The following GFM1 variants were observed in gnomAD, a reference collection of about 807,000 sequenced individuals.
GFM1 encodes elongation factor G, mitochondrial.
A neutral mutation model predicts 96.2 loss-of-function variants in GFM1; 62 were observed. The observed-to-expected ratio is 0.64, with a 90% CI of 0.53 to 0.80. The LOEUF is 0.80. GFM1 is among the 30% of genes least tolerant of loss of function. The probability of loss-of-function intolerance (pLI) is 0.00; values close to 1 mark genes in which losing one functional copy is unlikely to be tolerated. For missense variants in GFM1, 852 were observed against 916.6 expected, an observed-to-expected ratio of 0.93 and a Z score of 0.91; for synonymous variants, 282 against 312.9, an observed-to-expected ratio of 0.90 and a Z score of 1.04.
chr3:158,666,275 T>G (rs1488541703), intron 12 of GFM1, 29 bp from the exon 13 acceptor site: 1 of 1,535,618 alleles, frequency 6.5e-7, no homozygotes, highest in Non-Finnish European at 9.0e-7. Context: ...TTTTTTAAAT[T>G]TAAATAATAT....
chr3:158,654,664 C>T, intron 8 of GFM1, 33 bp downstream of exon 8: 1 of 1,312,676 alleles, frequency 7.6e-7, no homozygotes, highest in Non-Finnish European at 1.1e-6. Flanking sequence ...TAACTGCTAT[C>T]TGTAGAATGT....
chr3:158,660,840 T>A, intron 9 of GFM1, 34 bp from the exon 10 acceptor site: 1 of 1,553,270 alleles, frequency 6.4e-7, no homozygotes, highest in Non-Finnish European at 8.9e-7. Context: ...TTGTATTACT[T>A]GCAAATATAA....
chr3:158,654,470 C>A (rs1265313401), intron 7 of GFM1, 77 bp from the exon 8 acceptor site: 11 of 927,862 alleles, frequency 1.2e-5, no homozygotes, highest in Middle Eastern at 3.2e-4. Context: ...TCAGATAATA[C>A]TTCCTGATGA....
intron 5 of GFM1, chr3:158,650,287 C>T: frequency 1.9e-6 from 1 of 534,318 alleles, no homozygotes; most frequent in Non-Finnish European, 3.4e-6. Context: ...CTGCTATGTC[C>T]CAGCCCCTAG....
intron 13 of GFM1, among the ~76,000 whole-genome samples, chr3:158,673,029 A>T (rs545565132): frequency 6.6e-6 from 1 of 152,108 alleles, no homozygotes. Context: ...CCAGGTAGTG[A>T]TTCGATTCCT....
intron 13 of GFM1, 146 bp from the exon 14 acceptor site, chr3:158,681,849 A>G: frequency 1.3e-6 from 1 of 773,202 alleles, no homozygotes; most frequent in Non-Finnish European, 2.1e-6. Flanking sequence ...TTTTTAAAAT[A>G]AATTCTACAA....
chr3:158,689,398 A>G (rs1422824816), intron 15 of GFM1, among the ~76,000 whole-genome samples: 1 of 152,132 alleles, frequency 6.6e-6, no homozygotes, highest in Non-Finnish European at 1.5e-5. Flanking sequence ...CTCATTCTCA[A>G]TCAGGTGATG....
intron 5 of GFM1, 142 bp from the exon 6 acceptor site, chr3:158,651,954 T>G: frequency 1.4e-6 from 1 of 697,684 alleles, no homozygotes; most frequent in Non-Finnish European, 2.5e-6. Context: ...TATACATTAG[T>G]CTTATTTGCC....
intron 13 of GFM1, among the ~76,000 whole-genome samples, chr3:158,679,422 T>G (rs571314365): frequency 2.6e-5 from 4 of 152,224 alleles, no homozygotes; most frequent in African/African-American, 9.6e-5. Flanking sequence ...AAAATGTATT[T>G]GTAATGTACT....
chr3:158,644,872 A>G (rs2107997676), intron 1 of GFM1, 157 bp downstream of exon 1: 1 of 679,678 alleles, frequency 1.5e-6, no homozygotes, highest in South Asian at 1.6e-5. Flanking sequence ...CGGTGCCTGC[A>G]CATTAGCTCG....
At chr3:158,689,980 A>C (rs1726173110) in intron 15 of GFM1, among the ~76,000 whole-genome samples, 183 bp from the exon 16 acceptor site, 1 of 152,182 alleles carries the variant, frequency 6.6e-6, no homozygotes, top group Admixed American at 6.5e-5. Context: ...TAAATGTTGG[A>C]ATTTCCATTT....
At chr3:158,666,517 T>C (rs898632685) in intron 13 of GFM1, 131 bp downstream of exon 13, 5 of 1,147,158 alleles carry the variant, frequency 4.4e-6, no homozygotes. Context: ...TCTATAAAGT[T>C]CTATACTGTA....
chr3:158,652,131 T>G lies in GFM1; in HGVS notation c.725T>G (p.Leu242Ter). ...CGATATGGTGAGATTCCAGCTGAAT[T>G]AAGGGCGGCGGCCACTGACCACCGG... Reference protein sequence around the residue: ...IVRYGEIPAELRAAATDHRQE... With the variant: ...IVRYGEIPAE The change falls in exon 6 of 18, where the codon TTA (leucine) becomes TGA (stop). Residue 242 changes from leucine to a stop codon, truncating the protein, a stop_gained. Transcript: ENST00000486715. LOFTEE classifies it high-confidence loss of function. 3 of 1,614,162 alleles carry G rather than the reference T, an allele frequency of 1.9e-6. No individual in the cohort carries two copies. The highest frequency in any genetic ancestry group is 2.5e-6 in the Non-Finnish European group (3 of 1,180,014).
At chr3:158,674,800 C>G (rs1724729662) in intron 13 of GFM1, among the ~76,000 whole-genome samples, 2 of 152,058 alleles carry the variant, frequency 1.3e-5, no homozygotes, top group African/African-American at 4.8e-5. Context: ...TCCTGTTTCT[C>G]ATTTTCTTTC....
rs767615871 is a variant in GFM1 at position 158,665,518 on chromosome 3, G to C, written c.1518+44G>C. The C allele has an allele frequency of 9.8e-6, 15 of 1,525,536 alleles. No individual in the cohort carries two copies. The South Asian group carries it at 1.6e-4, about 16-fold the overall frequency. 94.5% of individuals were successfully genotyped at this position (1,525,536 alleles called of 1,614,324 possible). ...GTTAAGTTGAAATCAATTTATTACTGTCTGTTTCATTAAAAGTCAATAATT... is the reference window on the plus strand; with the variant it reads ...GTTAAGTTGAAATCAATTTATTACTCTCTGTTTCATTAAAAGTCAATAATT... On this transcript the variant is annotated intron_variant, in intron 12 of 17. Coordinates refer to ENST00000486715, the MANE Select transcript of GFM1 (RefSeq NM_024996.7).
At position 158,645,740 on chromosome 3, in the gene GFM1, C is replaced by A. The variant is rs62286651; in HGVS notation, c.193C>A (p.Arg65=). ...IDSGKTTLTE[R]VLYYTGRIAK... The stretch of plus-strand genomic sequence containing the variant: ...TTCTGGGAAAACTACATTAACAGAA[C>A]GAGTCCTTTACTACACTGGCAGAAT... The change falls in exon 2 of 18, where the codon CGA becomes AGA. Residue 65 remains arginine (R), a synonymous_variant. Coordinates refer to ENST00000486715, the MANE Select transcript of GFM1 (RefSeq NM_024996.7). 280 of 1,611,964 alleles carry A rather than the reference C, an allele frequency of 1.7e-4. 1 individual carries two copies. Among genetic ancestry groups the A allele is most frequent in the Non-Finnish European group, 2.1e-4 (248 of 1,178,102 alleles).
chr3:158,659,067 C>A lies in GFM1; in HGVS notation c.1221+8C>A. On this transcript the variant is annotated splice_region_variant and intron_variant, in intron 9 of 17. Coordinates refer to ENST00000486715, the MANE Select transcript of GFM1 (RefSeq NM_024996.7). ...CATGCCGACATGATGGAGGCAAGTA[C>A]AGAGTCATTGTGAGATTAGAAATTC... 1 of 1,614,082 alleles carries A rather than the reference C, an allele frequency of 6.2e-7. No homozygotes were observed. Among genetic ancestry groups the A allele is most frequent in the Non-Finnish European group, 8.5e-7 (1 of 1,179,990 alleles).
intron 13 of GFM1, among the ~76,000 whole-genome samples, chr3:158,681,540 G>T (rs1725382559): frequency 6.6e-6 from 1 of 151,958 alleles, no homozygotes; most frequent in Non-Finnish European, 1.5e-5. Flanking sequence ...TATTGCCTGA[G>T]TCTATAATGC....
chr3:158,686,123 C>A (rs1173055747), intron 15 of GFM1, among the ~76,000 whole-genome samples: 1 of 149,732 alleles, frequency 6.7e-6, no homozygotes, highest in Non-Finnish European at 1.5e-5. Context: ...AATAATGTGG[C>A]CATATACATT....
Sources: allele counts gnomAD v4.1 joint callset (sites outside exome capture counted in the v4.1 genomes callset), GRCh38; gene constraint gnomAD v4.1.1; transcripts MANE v1.5; gene names NCBI Gene and HGNC (gene_info 2026-07-23, HGNC 2026-07-21).